XPO4: variants seen among roughly 807,000 people sequenced by gnomAD.
XPO4 encodes exportin-4.
XPO4 carries 39 observed loss-of-function variants against 143.0 expected under a neutral mutation model. The ratio of observed to expected loss-of-function variants is 0.27; its 90% CI spans 0.21 to 0.36. XPO4 has a LOEUF of 0.36. Ranked by LOEUF, XPO4 falls within the 10% of genes least tolerant of loss-of-function variation. XPO4 has a pLI of 1.00. For synonymous variants in XPO4, 439 were observed against 474.0 expected (o/e 0.93, Z 0.96); for missense variants, 907 against 1,348.0 (o/e 0.67, Z 5.12).
At chr13:20,840,959 G>A in intron 6 of XPO4, among the ~76,000 whole-genome samples, 1 of 152,192 alleles carries the variant, frequency 6.6e-6, no homozygotes, top group Non-Finnish European at 1.5e-5. Flanking sequence ...TCAGATGACA[G>A]ATTTTCCAAA....
At chr13:20,867,327 T>C (rs1382478425) in intron 2 of XPO4, among the ~76,000 whole-genome samples, 1 of 152,222 alleles carries the variant, frequency 6.6e-6, no homozygotes, top group African/African-American at 2.4e-5. Context: ...GCTAGTTCCT[T>C]GCAAACACAG....
At chr13:20,852,889 T>G (rs1234099860) in intron 4 of XPO4, 1 of 985,308 alleles carries the variant, frequency 1.0e-6, no homozygotes, top group Non-Finnish European at 1.2e-6. Context: ...AATAGCACAC[T>G]TAACCACAGT....
At position 20,783,246 on chromosome 13, in the gene XPO4, C is replaced by A. The variant is rs1306232796; in HGVS notation, c.*476G>T. On this transcript the variant is annotated 3_prime_UTR_variant, in exon 23 of 23. Transcript: ENST00000255305. ...GGCCCAACAACCAGACATTCTGACTCTGAAGGTCTACAGTTGGGCCTAAGA... is the reference window on the plus strand; with the variant it reads ...GGCCCAACAACCAGACATTCTGACTATGAAGGTCTACAGTTGGGCCTAAGA... 6.2e-6 allele frequency: 1 copy of A among 162,584 alleles called. No individual in the cohort carries two copies. Among genetic ancestry groups the A allele is most frequent in the Non-Finnish European group, 1.3e-5 (1 of 74,486 alleles). 10.1% of individuals were successfully genotyped at this position (162,584 alleles called of 1,614,324 possible).
chr13:20,898,591 A>G (rs948879399), intron 1 of XPO4, among the ~76,000 whole-genome samples: 2 of 152,006 alleles, frequency 1.3e-5, no homozygotes, highest in Non-Finnish European at 2.9e-5. Flanking sequence ...AACCTATGAA[A>G]ATTACTTTTC....
Position 20,843,710 on chromosome 13 carries a change from TAGATTGAGTAAAA to T in XPO4, c.573+47_573+59del, listed in dbSNP as rs1237371338. ...ATAAATATTCTCATGTCATTAGGAA[TAGATTGAGTAAAA>T]AGTGAATGATCCAATAATTAAAACT... On this transcript the variant is annotated intron_variant, in intron 5 of 22. Transcript: ENST00000255305. The T allele has an allele frequency of 5.1e-6, 6 of 1,166,006 alleles. No homozygotes were observed. The African/African-American group carries it at 9.1e-5, about 18-fold the overall frequency. The allele number at this position is 1,166,006 out of a possible 1,614,324, so 72.2% of individuals were successfully genotyped here.
intron 4 of XPO4, among the ~76,000 whole-genome samples, chr13:20,854,001 A>T (rs1316446370): frequency 2.6e-5 from 4 of 152,228 alleles, no homozygotes; most frequent in African/African-American, 4.8e-5. Flanking sequence ...AATGTTCTGT[A>T]TCTTGACTAT....
intron 4 of XPO4, chr13:20,852,719 A>G (rs2138092402): frequency 3.1e-6 from 3 of 978,524 alleles, no homozygotes; most frequent in East Asian, 1.1e-4. Context: ...CACCACATCT[A>G]TATTATATAC....
At chr13:20,889,092 C>T (rs980852334) in intron 1 of XPO4, among the ~76,000 whole-genome samples, 2 of 152,070 alleles carry the variant, frequency 1.3e-5, no homozygotes. Context: ...GGATTACAGG[C>T]GTGAGCCACT....
chr13:20,893,482 G>A (rs966921621), intron 1 of XPO4, among the ~76,000 whole-genome samples: 4 of 152,166 alleles, frequency 2.6e-5, no homozygotes, highest in African/African-American at 9.7e-5. Context: ...GCTCATGCCT[G>A]TAATCCCAGC....
Position 20,799,173 on chromosome 13 carries a change from A to C in XPO4, c.2314T>G (p.Trp772Gly). ...ATAGACAGCACTGTTACCTCTGTCCAATACTGCTGTTTGGTTTCTGTGTCC... is the reference window on the plus strand; with the variant it reads ...ATAGACAGCACTGTTACCTCTGTCCCATACTGCTGTTTGGTTTCTGTGTCC... ...HMDTETKQQY[W>G]TEVLQPLQQR... Residue 772 changes from tryptophan to glycine, a missense_variant, in exon 16 of 23, where the codon TGG (tryptophan) becomes GGG (glycine). Coordinates refer to ENST00000255305, the MANE Select transcript of XPO4 (RefSeq NM_022459.5). 6.2e-7 allele frequency: 1 copy of C among 1,606,294 alleles called. No homozygotes were observed. The highest frequency in any genetic ancestry group is 8.5e-7 in the Non-Finnish European group (1 of 1,174,562).
At chr13:20,812,201 T>C (rs2059591562) in intron 9 of XPO4, among the ~76,000 whole-genome samples, 1 of 151,770 alleles carries the variant, frequency 6.6e-6, no homozygotes, top group African/African-American at 2.4e-5. Context: ...CAAAACCCCA[T>C]CTCTACTAAA....
chr13:20,812,002 G>A (rs768803725), intron 9 of XPO4, among the ~76,000 whole-genome samples: 2 of 152,150 alleles, frequency 1.3e-5, no homozygotes, highest in South Asian at 2.1e-4. Flanking sequence ...TTAGGGCATC[G>A]TCAGCACACA....
chr13:20,862,231 C>T (rs1172365133), intron 3 of XPO4, among the ~76,000 whole-genome samples: 1 of 152,092 alleles, frequency 6.6e-6, no homozygotes, highest in Non-Finnish European at 1.5e-5. Context: ...ATCAAAAGAA[C>T]AAGTAAATAT....
At chr13:20,842,538 A>G (rs987088342) in intron 6 of XPO4, among the ~76,000 whole-genome samples, 1 of 152,194 alleles carries the variant, frequency 6.6e-6, no homozygotes, top group African/African-American at 2.4e-5. Context: ...AAAATCAAAC[A>G]TAATTACTTG....
At chr13:20,880,803 C>T (rs990515554) in intron 1 of XPO4, among the ~76,000 whole-genome samples, 2 of 151,894 alleles carry the variant, frequency 1.3e-5, no homozygotes, top group African/African-American at 2.4e-5. Flanking sequence ...CGAACACATA[C>T]AAAAGTTAGC....
At chr13:20,857,330 T>C (rs1381149108) in intron 3 of XPO4, among the ~76,000 whole-genome samples, 1 of 152,210 alleles carries the variant, frequency 6.6e-6, no homozygotes. Context: ...TAGCTACCAT[T>C]TATTGAATGC....
Position 20,786,953 on chromosome 13 carries a change from C to T in XPO4, c.3258+12G>A. Reference sequence around the variant, plus strand: ...ATGAGAAGAGTCCCCTGAAAAGAGGCATGTCCAGTACCTGGTGCAAACACA... The same window carrying T: ...ATGAGAAGAGTCCCCTGAAAAGAGGTATGTCCAGTACCTGGTGCAAACACA... On this transcript the variant is annotated intron_variant, in intron 22 of 22. Coordinates refer to ENST00000255305, the MANE Select transcript of XPO4 (RefSeq NM_022459.5). The T allele has an allele frequency of 6.5e-7, 1 of 1,548,284 alleles. No homozygotes were observed. The highest frequency in any genetic ancestry group is 8.7e-7 in the Non-Finnish European group (1 of 1,145,746).
intron 13 of XPO4, among the ~76,000 whole-genome samples, chr13:20,806,831 G>A (rs1046909594): frequency 2.0e-5 from 3 of 151,952 alleles, no homozygotes; most frequent in South Asian, 2.1e-4. Flanking sequence ...GATTGCAGGC[G>A]TGAGCCACTG....
chr13:20,788,049 GTTTTTTTGT>G (rs1254832461), intron 20 of XPO4, among the ~76,000 whole-genome samples: 20 of 130,902 alleles, frequency 1.5e-4, no homozygotes, highest in Admixed American at 1.2e-3. Flanking sequence ...ACAGTTTTTT[GTTTTTTTGT>G]TTTTTTTTTT....
Sources: gnomAD v4.1 joint callset for allele counts (sites outside exome capture counted in the v4.1 genomes callset) on GRCh38, gnomAD v4.1.1 for gene constraint, MANE v1.5 for transcripts, NCBI Gene and HGNC (gene_info 2026-07-23, HGNC 2026-07-21) for gene names.